The following HOOK3 variants were observed in gnomAD, a reference collection of about 807,000 sequenced individuals.
HOOK3 encodes protein Hook homolog 3.
A neutral mutation model predicts 116.3 loss-of-function variants in HOOK3; 24 were observed. The ratio of observed to expected loss-of-function variants is 0.21; its 90% CI spans 0.15 to 0.29. HOOK3 has a LOEUF of 0.29. HOOK3 is among the 10% of genes least tolerant of loss of function. The pLI is 1.00. For missense variants in HOOK3, 632 were observed against 830.2 expected (o/e 0.76, Z 2.93); for synonymous variants, 275 against 283.0 (o/e 0.97, Z 0.28).
At chr8:42,989,602 G>A (rs939622138) in intron 15 of HOOK3, among the ~76,000 whole-genome samples, 2 of 152,148 alleles carry the variant, frequency 1.3e-5, no homozygotes, top group South Asian at 2.1e-4. Flanking sequence ...TTTATGTTAC[G>A]AACAATCCCA....
chr8:42,950,207 TAAGG>T (rs1808314200), intron 5 of HOOK3, among the ~76,000 whole-genome samples, 177 bp from the exon 6 acceptor site: 1 of 152,162 alleles, frequency 6.6e-6, no homozygotes, highest in Non-Finnish European at 1.5e-5. Context: ...GAAAAGATCT[TAAGG>T]AAAGATAAAT....
chr8:42,907,790 C>A, intron 2 of HOOK3, among the ~76,000 whole-genome samples: 1 of 108,464 alleles, frequency 9.2e-6, no homozygotes, highest in Non-Finnish European at 1.7e-5. Context: ...CAGTTCTGTT[C>A]AACAGTCTTT....
intron 11 of HOOK3, among the ~76,000 whole-genome samples, chr8:42,971,872 G>T (rs1808734405): frequency 6.6e-6 from 1 of 151,886 alleles, no homozygotes; most frequent in Non-Finnish European, 1.5e-5. Context: ...GTGGATACAG[G>T]GTTTCACCAT....
chr8:42,950,827 A>G (rs1808325231), intron 6 of HOOK3, among the ~76,000 whole-genome samples: 1 of 151,988 alleles, frequency 6.6e-6, no homozygotes, highest in South Asian at 2.1e-4. Flanking sequence ...CTGGGACTAC[A>G]GGTGTGTGCC....
At position 43,028,265 on chromosome 8, in the gene HOOK3, C is replaced by G; in HGVS notation, c.*9767C>G. ...GCTACTCCAGAGGTCGAGGCAGGAG[C>G]ATCGCTTAAGCCCAGGAGGTTCAGG... is the stretch of plus-strand genomic sequence containing the variant. On this transcript the variant is annotated 3_prime_UTR_variant, in exon 22 of 22. Transcript: ENST00000307602. The G allele has an allele frequency of 5.4e-6, 1 of 184,582 alleles. No individual in the cohort carries two copies. The highest frequency in any genetic ancestry group is 8.8e-5 in the East Asian group (1 of 11,354). 11.4% of individuals were successfully genotyped at this position (184,582 alleles called of 1,614,324 possible). A position where few individuals can be genotyped will look rare whatever the true frequency, so the allele number is the denominator to read the frequency against.
At chr8:42,993,561 G>A (rs1164070378) in intron 15 of HOOK3, among the ~76,000 whole-genome samples, 1 of 152,158 alleles carries the variant, frequency 6.6e-6, no homozygotes, top group East Asian at 1.9e-4. Context: ...CTGTTTTTCA[G>A]AATAGTTTGA....
chr8:43,000,309 T>C, intron 16 of HOOK3: 1 of 1,270,690 alleles, frequency 7.9e-7, no homozygotes. Flanking sequence ...TTTTATATAG[T>C]GAGCAGTTTT....
intron 15 of HOOK3, among the ~76,000 whole-genome samples, chr8:42,994,211 T>G (rs1809221810): frequency 6.6e-6 from 1 of 152,174 alleles, no homozygotes; most frequent in Non-Finnish European, 1.5e-5. Context: ...AGATGGAGTT[T>G]CACCATGTTG....
At chr8:42,923,381 A>G (rs1807701141) in intron 2 of HOOK3, among the ~76,000 whole-genome samples, 1 of 152,240 alleles carries the variant, frequency 6.6e-6, no homozygotes, top group South Asian at 2.1e-4. Context: ...TCAAGGCATC[A>G]TTATTCATAA....
At chr8:42,963,971 G>C (rs1808582259) in intron 8 of HOOK3, among the ~76,000 whole-genome samples, 1 of 152,212 alleles carries the variant, frequency 6.6e-6, no homozygotes, top group Non-Finnish European at 1.5e-5. Context: ...ACTTTGGGAG[G>C]CCGAGGCAGG....
chr8:43,010,087 T>G (rs112945324), intron 18 of HOOK3, among the ~76,000 whole-genome samples: 7,181 of 148,376 alleles, frequency 0.048, 353 homozygotes, highest in African/African-American at 0.12. Flanking sequence ...TATTTATTTA[T>G]AAGAAAATCT....
intron 13 of HOOK3, among the ~76,000 whole-genome samples, chr8:42,979,796 T>TC (rs1487505295): frequency 6.6e-6 from 1 of 152,156 alleles, no homozygotes; most frequent in Non-Finnish European, 1.5e-5. Flanking sequence ...TAATTTTTTT[T>TC]CCCTATTCCA....
chr8:42,976,804 T>C (rs1300262802), intron 13 of HOOK3, among the ~76,000 whole-genome samples: 2 of 151,348 alleles, frequency 1.3e-5, no homozygotes, highest in Admixed American at 6.6e-5. Flanking sequence ...GGCTGAGGCA[T>C]GAGAATGGCG....
chr8:42,960,110 CTAA>C (rs1225896553), intron 8 of HOOK3, among the ~76,000 whole-genome samples: 1 of 152,090 alleles, frequency 6.6e-6, no homozygotes, highest in South Asian at 2.1e-4. Context: ...AAGAGTTATA[CTAA>C]TAAGATTTCA....
intron 5 of HOOK3, among the ~76,000 whole-genome samples, chr8:42,949,086 T>A (rs1315047446): frequency 6.6e-6 from 1 of 152,202 alleles, no homozygotes; most frequent in East Asian, 1.9e-4. Context: ...AATACATGAA[T>A]CTCTTGTCAA....
At chr8:43,010,261 A>G (rs1259082581) in intron 18 of HOOK3, 44 bp from the exon 19 acceptor site, 1 of 411,306 alleles carries the variant, frequency 2.4e-6, no homozygotes. Context: ...AACAATTTAT[A>G]TATATTATCT....
chr8:42,968,176 A>G lies in HOOK3; in HGVS notation c.1084A>G (p.Asn362Asp). ...VSLEEELRKA[N>D]AARSQLETYK... ...TCTAGAGGAAGAGTTAAGAAAGGCCAACGCAGCGCGAAGTCAACTTGAAAC... is the reference window on the plus strand; with the variant it reads ...TCTAGAGGAAGAGTTAAGAAAGGCCGACGCAGCGCGAAGTCAACTTGAAAC... Residue 362 changes from asparagine to aspartate, a missense_variant, in exon 11 of 22, where the codon AAC becomes GAC. Physicochemically the swap from Asn to Asp is conservative, Grantham distance 23 (BLOSUM62 1). Transcript: ENST00000307602. 1 of 1,614,036 alleles carries G rather than the reference A, an allele frequency of 6.2e-7. No individual in the cohort carries two copies. Among genetic ancestry groups the G allele is most frequent in the Non-Finnish European group, 8.5e-7 (1 of 1,179,954 alleles).
At chr8:42,901,802 CCTGGGTTCAAGCAAT>C in intron 1 of HOOK3, among the ~76,000 whole-genome samples, 1 of 152,238 alleles carries the variant, frequency 6.6e-6, no homozygotes, top group South Asian at 2.1e-4. Context: ...ACCTCCACCT[CCTGGGTTCAAGCAAT>C]TCTGCCTCAG....
rs1411002765 is a variant in HOOK3 at position 43,008,880 on chromosome 8, C to T, written c.1738+951C>T. Among the ~76,000 whole-genome samples the T allele has an allele frequency of 6.7e-5, 10 of 150,274 alleles. No homozygotes were observed. In the East Asian group the frequency reaches 1.4e-3, roughly 21 times the overall value. ...TTCACCGTTTTAGCCGGGATGGTCT[C>T]GATCTCCTGACCTCGTGATCCGCCC... is the stretch of plus-strand genomic sequence containing the variant. On this transcript the variant is annotated intron_variant, in intron 18 of 21. Coordinates refer to ENST00000307602, the MANE Select transcript of HOOK3 (RefSeq NM_032410.4).
Sources: allele counts gnomAD v4.1 joint callset (sites outside exome capture counted in the v4.1 genomes callset), GRCh38; gene constraint gnomAD v4.1.1; transcripts MANE v1.5; gene names NCBI Gene and HGNC (gene_info 2026-07-23, HGNC 2026-07-21).